Variants in DLGAP1 observed in about 807,000 individuals in gnomAD.
DLGAP1 encodes the protein DLG associated protein 1.
In DLGAP1, 11 loss-of-function variants were observed where a neutral mutation model predicts 90.8. The ratio of observed to expected loss-of-function variants is 0.12; its 90% CI spans 0.08 to 0.20. The LOEUF is 0.20. Among genes scored for constraint, DLGAP1 ranks in the 10% least tolerant of loss-of-function variants. The pLI is 1.00. For synonymous variants in DLGAP1, 558 were observed against 540.7 expected (o/e 1.03, Z -0.44); for missense variants, 1,050 against 1,333.8 (o/e 0.79, Z 3.31).
intron 7 of DLGAP1, among the ~76,000 whole-genome samples, chr18:3,677,442 A>G (rs1314409186): frequency 6.6e-6 from 1 of 152,174 alleles, no homozygotes; most frequent in Non-Finnish European, 1.5e-5. Flanking sequence ...CTTCCCTACC[A>G]GTTATATCCA....
chr18:4,454,736 C>G lies in DLGAP1; in HGVS notation c.-267+270G>C, dbSNP rs1020838376. On this transcript the variant is annotated intron_variant, in intron 1 of 12. Coordinates refer to ENST00000315677, the MANE Select transcript of DLGAP1 (RefSeq NM_004746.4). This position sits in a 1 kb window ranked among gnomAD's most constrained non-coding sequence, Gnocchi z 4.7. The stretch of plus-strand genomic sequence containing the variant: ...GAAATCCTTCCCCTGCCTGGGTCCC[C>G]GTGGGGAGCCGCGAGGACCGCATGG... Among the ~76,000 whole-genome samples the G allele has an allele frequency of 6.6e-6, 1 of 151,960 alleles. No homozygotes were observed. Among genetic ancestry groups the G allele is most frequent in the Admixed American group, 6.5e-5 (1 of 15,284 alleles).
intron 1 of DLGAP1, among the ~76,000 whole-genome samples, chr18:4,226,567 A>G (rs1187254350): frequency 1.3e-5 from 2 of 151,848 alleles, no homozygotes; most frequent in Non-Finnish European, 2.9e-5. Flanking sequence ...GTTAAAGTAT[A>G]GAGTTTTTAT....
rs369629305 is a variant in DLGAP1 at position 3,835,022 on chromosome 18, CT to C, written c.958-20750del. ...AATCGTCATTACAGATTATATTTTG[CT>C]TTTCCATTTCTTCAGCTTCAACCAG... On this transcript the variant is annotated intron_variant, in intron 4 of 12. Coordinates refer to ENST00000315677, the MANE Select transcript of DLGAP1 (RefSeq NM_004746.4). Among the ~76,000 whole-genome samples, 769 of 152,250 alleles carry C rather than the reference CT, an allele frequency of 5.1e-3. 8 individuals carry two copies. The highest frequency in any genetic ancestry group is 0.017 in the African/African-American group (711 of 41,540).
At chr18:3,615,045 C>T (rs1238895534) in intron 7 of DLGAP1, among the ~76,000 whole-genome samples, 8 of 151,854 alleles carry the variant, frequency 5.3e-5, no homozygotes, top group Non-Finnish European at 7.4e-5. Context: ...CTCAGCCTCC[C>T]GAGTGACTGA....
At chr18:4,432,232 T>C (rs959337307) in intron 1 of DLGAP1, among the ~76,000 whole-genome samples, 5 of 152,160 alleles carry the variant, frequency 3.3e-5, no homozygotes, top group Non-Finnish European at 5.9e-5. Context: ...CTAAAATGGG[T>C]AAATTATGTT....
At chr18:4,408,998 C>T (rs1489692381) in intron 1 of DLGAP1, among the ~76,000 whole-genome samples, 3 of 130,444 alleles carry the variant, frequency 2.3e-5, no homozygotes, top group African/African-American at 5.6e-5. Flanking sequence ...CACACACACA[C>T]ACATTGTATT....
intron 7 of DLGAP1, among the ~76,000 whole-genome samples, chr18:3,684,788 A>T (rs366794): frequency 0.14 from 21,457 of 152,032 alleles, 3,349 homozygotes; most frequent in African/African-American, 0.39. Context: ...AAAAAATGTC[A>T]CTTAGACCAC....
chr18:3,661,745 T>C (rs1049302675), intron 7 of DLGAP1, among the ~76,000 whole-genome samples: 1 of 145,442 alleles, frequency 6.9e-6, no homozygotes, highest in African/African-American at 2.7e-5. Flanking sequence ...CCTGGATGAT[T>C]TTTTTTTTTG....
chr18:3,842,574 A>C (rs2068777896), intron 4 of DLGAP1, among the ~76,000 whole-genome samples: 1 of 151,834 alleles, frequency 6.6e-6, no homozygotes, highest in Non-Finnish European at 1.5e-5. Flanking sequence ...GACAGAAATA[A>C]GATTTGGTGT....
chr18:3,938,400 T>C (rs2072690158), intron 3 of DLGAP1, among the ~76,000 whole-genome samples: 1 of 152,044 alleles, frequency 6.6e-6, no homozygotes, highest in African/African-American at 2.4e-5. Flanking sequence ...AAAGCCTCTC[T>C]GAGGAGGAGA....
chr18:3,539,707 A>G (rs1022176145), intron 9 of DLGAP1, among the ~76,000 whole-genome samples: 1 of 152,244 alleles, frequency 6.6e-6, no homozygotes, highest in Non-Finnish European at 1.5e-5. Context: ...ATAGAGTTGC[A>G]GTTAAACAAA....
At chr18:4,248,179 T>C (rs1262334809) in intron 1 of DLGAP1, among the ~76,000 whole-genome samples, 1 of 152,194 alleles carries the variant, frequency 6.6e-6, no homozygotes, top group East Asian at 1.9e-4. Flanking sequence ...TTGGGGTTCC[T>C]GTGCAACTGC....
intron 4 of DLGAP1, among the ~76,000 whole-genome samples, chr18:3,832,306 T>C (rs567496797): frequency 2.6e-5 from 4 of 152,360 alleles, no homozygotes; most frequent in African/African-American, 9.6e-5. Context: ...ATAATGCAGA[T>C]ATATTTCATT....
intron 7 of DLGAP1, among the ~76,000 whole-genome samples, chr18:3,728,875 G>A (rs2062298122): frequency 6.6e-6 from 1 of 152,116 alleles, no homozygotes. Flanking sequence ...CTCCCCTCTG[G>A]GCTGTGCTGT....
At chr18:3,874,220 G>A (rs1020198547) in intron 4 of DLGAP1, 3 of 1,549,952 alleles carry the variant, frequency 1.9e-6, no homozygotes, top group Non-Finnish European at 2.6e-6. Flanking sequence ...CCTTAAAAAG[G>A]TCGATCATTT....
intron 4 of DLGAP1, among the ~76,000 whole-genome samples, chr18:3,836,946 T>C (rs1311687361): frequency 6.6e-6 from 1 of 152,142 alleles, no homozygotes; most frequent in African/African-American, 2.4e-5. Context: ...TGATGAACAA[T>C]GAAGCAGGCT....
intron 1 of DLGAP1, among the ~76,000 whole-genome samples, chr18:4,237,845 C>G (rs1182592718): frequency 2.0e-5 from 3 of 152,144 alleles, no homozygotes; most frequent in African/African-American, 7.2e-5. Context: ...ATCATGACTA[C>G]TGCCAAATGA....
chr18:3,811,297 TTGTC>T (rs2066828744), intron 5 of DLGAP1, among the ~76,000 whole-genome samples: 1 of 152,162 alleles, frequency 6.6e-6, no homozygotes, highest in African/African-American at 2.4e-5. Flanking sequence ...GTTTGAATGG[TTGTC>T]TAAGGTTCTC....
intron 10 of DLGAP1, among the ~76,000 whole-genome samples, chr18:3,527,410 C>CTTTTT (rs3075071): frequency 0.01 from 1,012 of 99,738 alleles, 117 homozygotes; most frequent in African/African-American, 0.014. Context: ...ATTTTCCAAA[C>CTTTTT]TTTTTTTTTT....
Sources: allele counts gnomAD v4.1 joint callset (sites outside exome capture counted in the v4.1 genomes callset), GRCh38; gene constraint gnomAD v4.1.1; non-coding constraint Gnocchi (gnomAD v3.1); transcripts MANE v1.5; gene names NCBI Gene and HGNC (gene_info 2026-07-23, HGNC 2026-07-21).